Variants in SPTBN1 observed in about 807,000 individuals in gnomAD.
The protein encoded by SPTBN1 is spectrin beta, non-erythrocytic 1, also known as spectrin beta chain, non-erythrocytic 1.
Under a neutral mutation model 266.4 loss-of-function variants are expected in SPTBN1, and 32 were observed. That is an observed-to-expected ratio of 0.12 (90% CI 0.09 to 0.16). The LOEUF (loss-of-function observed/expected upper bound fraction) is 0.16, where lower values mean the gene tolerates loss of function less well. Ranked by LOEUF, SPTBN1 falls within the 10% of genes least tolerant of loss-of-function variation. The pLI is 1.00. For missense variants in SPTBN1, 2,296 were observed against 3,067.1 expected, an observed-to-expected ratio of 0.75 and a Z score of 5.94; for synonymous variants, 1,336 against 1,162.2, an observed-to-expected ratio of 1.15 and a Z score of -3.04.
intron 2 of SPTBN1, among the ~76,000 whole-genome samples, chr2:54,577,738 A>C (rs1312837228): frequency 6.6e-6 from 1 of 152,158 alleles, no homozygotes; most frequent in Admixed American, 6.5e-5. Flanking sequence ...CAGGATTCCA[A>C]CCCACGCAGT....
intron 2 of SPTBN1, among the ~76,000 whole-genome samples, chr2:54,546,196 G>C (rs762586352): frequency 6.6e-6 from 1 of 152,140 alleles, no homozygotes; most frequent in Non-Finnish European, 1.5e-5. Context: ...TTTTTGATCA[G>C]TAAGAACCTT....
chr2:54,560,799 G>A (rs930393073), intron 2 of SPTBN1, among the ~76,000 whole-genome samples: 2 of 152,208 alleles, frequency 1.3e-5, no homozygotes, highest in Non-Finnish European at 2.9e-5. Flanking sequence ...GAGGAATTGA[G>A]AAAGGGTGAA....
chr2:54,618,166 G>C lies in SPTBN1; in HGVS notation c.736G>C (p.Gly246Arg). 6.2e-7 allele frequency: 1 copy of C among 1,614,080 alleles called. No homozygotes were observed. Among genetic ancestry groups the C allele is most frequent in the Non-Finnish European group, 8.5e-7 (1 of 1,179,992 alleles). The change falls in exon 7 of 36, where the codon GGC becomes CGC. Residue 246 changes from glycine to arginine, a missense_variant. Coordinates refer to ENST00000356805, the MANE Select transcript of SPTBN1 (RefSeq NM_003128.3). ...ATTTAATCTGGCAGAACAGCACCTC[G>C]GCCTCACTAAACTGTTGGACCCCGA... ...NAFNLAEQHLGLTKLLDPEDI... is the reference protein window; with the variant it reads ...NAFNLAEQHLRLTKLLDPEDI...
At chr2:54,507,582 C>T (rs1374493731) in intron 1 of SPTBN1, among the ~76,000 whole-genome samples, 1 of 152,050 alleles carries the variant, frequency 6.6e-6, no homozygotes, top group Admixed American at 6.6e-5. Flanking sequence ...ATGGAAGACA[C>T]AAGGTCTGAA....
rs10673399 is a variant in SPTBN1, at chr2:54,594,851, T to TTTTTTTTTG, written c.149-4241_149-4240insTTTTTTTTG. Among the ~76,000 whole-genome samples the TTTTTTTTTG allele has an allele frequency of 4.7e-3, 676 of 144,854 alleles. 29 individuals are homozygous for TTTTTTTTTG. Among genetic ancestry groups the TTTTTTTTTG allele is most frequent in the African/African-American group, 0.018 (639 of 35,832 alleles). On this transcript the variant is annotated intron_variant, in intron 2 of 35. Coordinates refer to ENST00000356805, the MANE Select transcript of SPTBN1 (RefSeq NM_003128.3). ...TAAGTTTCTTTTTTTTTTTTTTTTT[T>TTTTTTTTTG]GAGACAGAGTTTCGCTCTTGTTGCC...
Position 54,649,975 on chromosome 2 carries a change from G to T in SPTBN1, c.5563G>T (p.Ala1855Ser), listed in dbSNP as rs372519284. ...MHTTFEHDIQ[A>S]LGTQVRQLQE... ...CACTACATTTGAGCATGACATCCAG[G>T]CTCTGGGCACACAGGTGGGTATGGC... The change falls in exon 26 of 36, where the codon GCT (alanine) becomes TCT (serine). Residue 1855 changes from alanine (A) to serine (S), a missense_variant. This residue lies in a region of SPTBN1 where 644 missense variants were observed against 745.3 expected (regional missense o/e 0.86). Coordinates refer to ENST00000356805, the MANE Select transcript of SPTBN1 (RefSeq NM_003128.3). This position sits in a 1 kb window ranked among gnomAD's most constrained non-coding sequence, Gnocchi z 6.7. 2 of 1,608,404 alleles carry T rather than the reference G, an allele frequency of 1.2e-6. No homozygotes were observed. Among genetic ancestry groups the T allele is most frequent in the Admixed American group, 1.7e-5 (1 of 59,922 alleles).
intron 1 of SPTBN1, chr2:54,515,651 G>A (rs1355342511): frequency 6.6e-6 from 1 of 152,082 alleles, no homozygotes; most frequent in African/African-American, 2.4e-5. Flanking sequence ...CCCATTTGAA[G>A]ATGAATGGCT....
chr2:54,457,310 A>T (rs1222348559), intron 1 of SPTBN1: 2 of 152,150 alleles, frequency 1.3e-5, no homozygotes, highest in African/African-American at 4.8e-5. Flanking sequence ...TGCTTTGGGT[A>T]GGTGGGCTGG....
intron 1 of SPTBN1, among the ~76,000 whole-genome samples, chr2:54,512,684 C>A (rs1010852300): frequency 6.6e-6 from 1 of 152,120 alleles, no homozygotes; most frequent in African/African-American, 2.4e-5. Flanking sequence ...AATTTATAAC[C>A]TTCTCTGAAT....
In SPTBN1 at chr2:54,669,052, A is replaced by G. The variant is rs769968280; in HGVS notation, c.*483A>G. On this transcript the variant is annotated 3_prime_UTR_variant, in exon 36 of 36. Transcript: ENST00000356805. ...GGCTAACCTTTATTAAACAGATCGC[A>G]TATTATGATCTTGCTGCAGCCACAG... 28 of 169,908 alleles carry G rather than the reference A, an allele frequency of 1.6e-4. No homozygotes were observed. Among genetic ancestry groups the G allele is most frequent in the South Asian group, 2.8e-4 (2 of 7,058 alleles). 10.5% of individuals were successfully genotyped at this position (169,908 alleles called of 1,614,324 possible). A position where few individuals can be genotyped will look rare whatever the true frequency, so the allele number is the denominator to read the frequency against.
intron 1 of SPTBN1, among the ~76,000 whole-genome samples, chr2:54,474,579 T>C (rs549192227): frequency 3.4e-4 from 51 of 152,182 alleles, no homozygotes; most frequent in Non-Finnish European, 6.2e-4. Context: ...AAGTATTATT[T>C]ACTATATTAA....
chr2:54,501,561 C>T (rs1419010399), intron 1 of SPTBN1, among the ~76,000 whole-genome samples: 1 of 152,244 alleles, frequency 6.6e-6, no homozygotes. Flanking sequence ...CCTGGCTGGA[C>T]AGCCAGGTGT....
At chr2:54,658,761 C>T (rs1207624323) in intron 30 of SPTBN1, among the ~76,000 whole-genome samples, 2 of 152,086 alleles carry the variant, frequency 1.3e-5, no homozygotes, top group Non-Finnish European at 2.9e-5. Context: ...ACAGCACAAG[C>T]GGCTTCCTTG....
chr2:54,588,269 A>T (rs979783108), intron 2 of SPTBN1, among the ~76,000 whole-genome samples: 34 of 152,206 alleles, frequency 2.2e-4, no homozygotes, highest in Admixed American at 2.2e-3. Flanking sequence ...AAAAGAGGCT[A>T]CTGGCTGAAG....
intron 7 of SPTBN1, among the ~76,000 whole-genome samples, chr2:54,620,461 G>C (rs990619508): frequency 3.7e-5 from 2 of 53,682 alleles, no homozygotes; most frequent in African/African-American, 1.9e-4. Flanking sequence ...AATTATGTGT[G>C]TATAGGGAAT....
chr2:54,483,883 G>A (rs959899066), intron 1 of SPTBN1, among the ~76,000 whole-genome samples: 4 of 152,188 alleles, frequency 2.6e-5, no homozygotes, highest in Admixed American at 2.6e-4. Flanking sequence ...TAGTGTTCTT[G>A]ACGGGGTTGT....
At chr2:54,510,868 C>T (rs907393681) in intron 1 of SPTBN1, among the ~76,000 whole-genome samples, 3 of 152,172 alleles carry the variant, frequency 2.0e-5, no homozygotes, top group Non-Finnish European at 2.9e-5. Context: ...GCTCTTATAC[C>T]TGATTGAAGA....
At chr2:54,581,992 C>A (rs994838712) in intron 2 of SPTBN1, among the ~76,000 whole-genome samples, 2 of 151,952 alleles carry the variant, frequency 1.3e-5, no homozygotes, top group Non-Finnish European at 2.9e-5. Flanking sequence ...CATGGGGTAC[C>A]TGTAAATTAT....
At position 54,554,977 on chromosome 2, in the gene SPTBN1, T is replaced by C. The variant is rs1262425133; in HGVS notation, c.148+28411T>C. 6.6e-6 allele frequency among the ~76,000 whole-genome samples: 1 copy of C among 152,224 alleles called. No individual in the cohort carries two copies. The highest frequency in any genetic ancestry group is 1.5e-5 in the Non-Finnish European group (1 of 68,036). The stretch of plus-strand genomic sequence containing the variant: ...ACTCCCTGTAACCCAGCTTTTGCTT[T>C]TATTAACCCAGTTGACCTGCTAATT... On this transcript the variant is annotated intron_variant, in intron 2 of 35. Coordinates refer to ENST00000356805, the MANE Select transcript of SPTBN1 (RefSeq NM_003128.3). The surrounding 1 kb of genome is among the most constrained non-coding windows in gnomAD (Gnocchi z 4.5).
Sources: gnomAD v4.1 joint callset for allele counts (sites outside exome capture counted in the v4.1 genomes callset) on GRCh38, gnomAD v4.1.1 for gene constraint, gnomAD v4.1.1 regional missense constraint, Gnocchi (gnomAD v3.1) non-coding constraint, MANE v1.5 for transcripts, NCBI Gene and HGNC (gene_info 2026-07-23, HGNC 2026-07-21) for gene names.